The following CEP128 variants were observed in gnomAD, a reference collection of about 807,000 sequenced individuals.
CEP128 encodes the protein centrosomal protein 128.
Under a neutral mutation model 156.7 loss-of-function variants are expected in CEP128, and 132 were observed. The observed-to-expected ratio is 0.84, with a 90% CI of 0.73 to 0.97. The LOEUF (loss-of-function observed/expected upper bound fraction) is 0.97, where lower values mean the gene tolerates loss of function less well. CEP128 is among the 50% of genes least tolerant of loss of function. The probability of loss-of-function intolerance (pLI) is 0.00; values close to 1 mark genes in which losing one functional copy is unlikely to be tolerated. For synonymous variants in CEP128, 469 were observed against 448.9 expected, an observed-to-expected ratio of 1.04 and a Z score of -0.57; for missense variants, 1,252 against 1,281.9, an observed-to-expected ratio of 0.98 and a Z score of 0.36.
intron 2 of CEP128, chr14:80,955,671 C>G (rs948197890): frequency 6.2e-7 from 1 of 1,613,758 alleles, no homozygotes; most frequent in African/African-American, 1.3e-5. Context: ...AGCCCCGAGT[C>G]CCGTGGAAAA....
chr14:80,720,172 C>T (rs1897761642), intron 19 of CEP128, among the ~76,000 whole-genome samples: 1 of 151,754 alleles, frequency 6.6e-6, no homozygotes, highest in Non-Finnish European at 1.5e-5. Flanking sequence ...ATCGCCTCAG[C>T]ATATAAGAGA....
intron 20 of CEP128, among the ~76,000 whole-genome samples, chr14:80,576,547 C>T (rs2140431142): frequency 6.6e-6 from 1 of 152,242 alleles, no homozygotes; most frequent in East Asian, 1.9e-4. Flanking sequence ...TGAAAACACT[C>T]TCCTCCCTGA....
chr14:80,733,541 A>G (rs1411730812), intron 19 of CEP128, among the ~76,000 whole-genome samples: 4 of 152,300 alleles, frequency 2.6e-5, no homozygotes, highest in Admixed American at 2.6e-4. Context: ...GTGGACAAGG[A>G]AATGGGAGAA....
chr14:80,541,462 AAAAC>A (rs1184699799), intron 21 of CEP128, among the ~76,000 whole-genome samples: 20 of 150,312 alleles, frequency 1.3e-4, no homozygotes, highest in African/African-American at 4.5e-4. Context: ...AAAAAAAAAA[AAAAC>A]CAGGAAAAAA....
intron 19 of CEP128, among the ~76,000 whole-genome samples, chr14:80,596,842 A>AAAAAAAAGG (rs1555379468): frequency 1.4e-5 from 1 of 69,828 alleles, no homozygotes; most frequent in African/African-American, 5.2e-5. Flanking sequence ...AAAAAAAAAA[A>AAAAAAAAGG]GGTGGGGGGG....
intron 19 of CEP128, among the ~76,000 whole-genome samples, chr14:80,627,461 C>T (rs916580320): frequency 5.3e-5 from 8 of 152,324 alleles, no homozygotes; most frequent in African/African-American, 1.9e-4. Context: ...TACAGTACCT[C>T]ATTACTAATG....
At chr14:80,694,036 T>A (rs889160040) in intron 19 of CEP128, among the ~76,000 whole-genome samples, 109 of 152,250 alleles carry the variant, frequency 7.2e-4, no homozygotes, top group African/African-American at 2.4e-3. Flanking sequence ...ATACATGACA[T>A]CAGTTTAAAA....
chr14:80,633,853 A>T (rs956411042), intron 19 of CEP128, among the ~76,000 whole-genome samples: 3 of 152,152 alleles, frequency 2.0e-5, no homozygotes, highest in Non-Finnish European at 2.9e-5. Context: ...TCTTGGTATT[A>T]AAAAAATGTG....
At chr14:80,794,735 G>A (rs891173460) in intron 13 of CEP128, among the ~76,000 whole-genome samples, 12 of 152,134 alleles carry the variant, frequency 7.9e-5, no homozygotes, top group African/African-American at 2.4e-4. Flanking sequence ...TAATTAGGGA[G>A]GTATTCTCAC....
intron 19 of CEP128, among the ~76,000 whole-genome samples, chr14:80,683,374 G>A (rs1896398333): frequency 6.6e-6 from 1 of 152,060 alleles, no homozygotes; most frequent in South Asian, 2.1e-4. Context: ...GACAAAGAAG[G>A]ATGGTACATA....
intron 21 of CEP128, among the ~76,000 whole-genome samples, chr14:80,547,631 A>G (rs1890040158): frequency 6.6e-6 from 1 of 152,164 alleles, no homozygotes; most frequent in Non-Finnish European, 1.5e-5. Context: ...ATGCTTTATG[A>G]CAGTGTTGAG....
Position 80,501,960 on chromosome 14 carries a change from G to A in CEP128, c.3181+2952C>T, listed in dbSNP as rs116780272. ...ACGACACACCTGTCGCCATTTTCCTGGCGAAAACCCAACAACCTGGAAGTT... is the reference window on the plus strand; with the variant it reads ...ACGACACACCTGTCGCCATTTTCCTAGCGAAAACCCAACAACCTGGAAGTT... On this transcript the variant is annotated intron_variant, in intron 24 of 24. Coordinates refer to ENST00000555265, the MANE Select transcript of CEP128 (RefSeq NM_152446.5). Among the ~76,000 whole-genome samples, 381 of 152,170 alleles carry A rather than the reference G, an allele frequency of 2.5e-3. 2 individuals carry two copies. The highest frequency in any genetic ancestry group is 8.6e-3 in the African/African-American group (356 of 41,510).
chr14:80,500,421 A>G (rs530677647), intron 24 of CEP128, among the ~76,000 whole-genome samples: 15 of 152,306 alleles, frequency 9.8e-5, no homozygotes, highest in Non-Finnish European at 1.9e-4. Context: ...ATCTCTATAC[A>G]GATCTAAACT....
chr14:80,829,180 C>A (rs1406603251), intron 13 of CEP128, among the ~76,000 whole-genome samples: 2 of 152,102 alleles, frequency 1.3e-5, no homozygotes, highest in Non-Finnish European at 2.9e-5. Context: ...AAAGGAAAAT[C>A]AGACGTGTCA....
At chr14:80,931,956 T>C (rs943300571) in intron 2 of CEP128, among the ~76,000 whole-genome samples, 2 of 152,242 alleles carry the variant, frequency 1.3e-5, no homozygotes, top group African/African-American at 4.8e-5. Flanking sequence ...TCTTGAATTG[T>C]AGTTCTCGTA....
intron 19 of CEP128, among the ~76,000 whole-genome samples, chr14:80,622,842 C>T (rs1355676540): frequency 2.7e-5 from 4 of 148,356 alleles, no homozygotes; most frequent in Non-Finnish European, 3.0e-5. Context: ...GAAATAGGAA[C>T]ACTTTTACAC....
chr14:80,504,589 C>T (rs2371295), intron 24 of CEP128, among the ~76,000 whole-genome samples: 118,988 of 152,178 alleles, frequency 0.78, 48,812 homozygotes, highest in Middle Eastern at 0.9. Context: ...ATAATTTGAA[C>T]TTTATTATAA....
At chr14:80,675,806 C>T (rs1896036524) in intron 19 of CEP128, among the ~76,000 whole-genome samples, 1 of 151,806 alleles carries the variant, frequency 6.6e-6, no homozygotes, top group Admixed American at 6.6e-5. Flanking sequence ...AAAATTTTTC[C>T]CTACCCACTT....
intron 2 of CEP128, among the ~76,000 whole-genome samples, chr14:80,922,158 T>C (rs1462207355): frequency 2.0e-5 from 3 of 152,144 alleles, no homozygotes; most frequent in Non-Finnish European, 4.4e-5. Flanking sequence ...CCTGGAAAAT[T>C]TGATTAAATA....
Sources: gnomAD v4.1 joint callset for allele counts (sites outside exome capture counted in the v4.1 genomes callset) on GRCh38, gnomAD v4.1.1 for gene constraint, MANE v1.5 for transcripts, NCBI Gene and HGNC (gene_info 2026-07-23, HGNC 2026-07-21) for gene names.